GPBP1: variants seen among roughly 807,000 people sequenced by gnomAD.
The protein encoded by GPBP1 is vasculin.
Under a neutral mutation model 56.5 loss-of-function variants are expected in GPBP1, and 13 were observed. The observed-to-expected ratio is 0.23, with a 90% CI of 0.15 to 0.37. The LOEUF is 0.37. Among genes scored for constraint, GPBP1 ranks in the 10% least tolerant of loss-of-function variants. The pLI is 1.00. For synonymous variants in GPBP1, 204 were observed against 188.9 expected (o/e 1.08, Z -0.66); for missense variants, 477 against 572.3 (o/e 0.83, Z 1.70).
chr5:57,221,544 TGTG>T, intron 3 of GPBP1: 1 of 586,230 alleles, frequency 1.7e-6, no homozygotes, highest in Non-Finnish European at 3.0e-6. Flanking sequence ...ATTTCGGGGT[TGTG>T]GTATTAAAAG....
In GPBP1 at chr5:57,175,473, A is replaced by G; in HGVS notation, c.-985A>G. On this transcript the variant is annotated 5_prime_UTR_variant, in exon 2 of 12. Coordinates refer to ENST00000506184, the MANE Select transcript of GPBP1 (RefSeq NM_022913.4). The stretch of plus-strand genomic sequence containing the variant: ...GTGATTGAATTACTCAGATATGAAG[A>G]TCATCATCTAGGTTTTGTGTAAAAG... 1 of 398,524 alleles carries G rather than the reference A, an allele frequency of 2.5e-6. No homozygotes were observed. 24.7% of individuals were successfully genotyped at this position (398,524 alleles called of 1,614,324 possible).
intron 2 of GPBP1, among the ~76,000 whole-genome samples, chr5:57,187,703 A>T (rs1006775925): frequency 6.6e-6 from 1 of 152,258 alleles, no homozygotes; most frequent in African/African-American, 2.4e-5. Context: ...TTGTTATTAA[A>T]GTCAAGTGAA....
At chr5:57,181,795 T>C (rs915423621) in intron 2 of GPBP1, among the ~76,000 whole-genome samples, 1 of 152,164 alleles carries the variant, frequency 6.6e-6, no homozygotes, top group Non-Finnish European at 1.5e-5. Flanking sequence ...TCTGGAAAGG[T>C]CCATTACCTT....
In GPBP1 at chr5:57,249,409, T is replaced by C. The variant is rs1195132549; in HGVS notation, c.805T>C (p.Cys269Arg). Reference protein sequence around the residue: ...FSPSTNSVKECNRSNSSSPVD... With the variant: ...FSPSTNSVKERNRSNSSSPVD... ...TCAGTATTTCTGAATTTCCTCTTAG[T>C]GTAATCGCTCAAATTCCTCTTCTCC... Residue 269 changes from cysteine (C) to arginine (R), a missense_variant and splice_region_variant, in exon 9 of 12, where the codon TGT (cysteine) becomes CGT (arginine). By Grantham distance (180) the Cys-to-Arg change is radical. Coordinates refer to ENST00000506184, the MANE Select transcript of GPBP1 (RefSeq NM_022913.4). 6.3e-7 allele frequency: 1 copy of C among 1,591,880 alleles called. No homozygotes were observed. Among genetic ancestry groups the C allele is most frequent in the African/African-American group, 1.4e-5 (1 of 73,724 alleles).
intron 2 of GPBP1, among the ~76,000 whole-genome samples, chr5:57,177,102 T>A (rs1370715224): frequency 1.3e-5 from 2 of 152,208 alleles, no homozygotes; most frequent in African/African-American, 4.8e-5. Context: ...TTAAAATAAC[T>A]TAAGAAAATA....
rs926289464 is a variant in GPBP1, at chr5:57,200,841, G to A, written c.-57-13233G>A. ...GGACTACAGGCGCTAGCCACCACGC[G>A]CGGCTAGTTTATATTTTTAGTAGAG... On this transcript the variant is annotated intron_variant, in intron 2 of 11. Transcript: ENST00000506184. Among the ~76,000 whole-genome samples the A allele has an allele frequency of 1.3e-4, 20 of 152,054 alleles. 1 individual carries two copies. Among genetic ancestry groups the A allele is most frequent in the Admixed American group, 5.2e-4 (8 of 15,258 alleles).
At chr5:57,221,293 A>T in intron 3 of GPBP1, 1 of 861,040 alleles carries the variant, frequency 1.2e-6, no homozygotes, top group East Asian at 4.9e-5. Context: ...GTGGCGCACT[A>T]GTTTTTTCTT....
chr5:57,191,977 A>C (rs572433220), intron 2 of GPBP1, among the ~76,000 whole-genome samples: 1 of 152,386 alleles, frequency 6.6e-6, no homozygotes, highest in East Asian at 1.9e-4. Context: ...ATACTAATGC[A>C]GATAAATATC....
chr5:57,196,824 C>T (rs1419696234), intron 2 of GPBP1, among the ~76,000 whole-genome samples: 1 of 152,030 alleles, frequency 6.6e-6, no homozygotes, highest in Non-Finnish European at 1.5e-5. Context: ...CTGTGTTGCC[C>T]AGGCTGGAGT....
rs1753760277 is a variant in GPBP1 at position 57,175,559 on chromosome 5, G to A, written c.-899G>A. The A allele has an allele frequency of 2.5e-6, 1 of 398,362 alleles. No individual in the cohort carries two copies. The highest frequency in any genetic ancestry group is 2.1e-5 in the African/African-American group (1 of 48,624). The allele number at this position is 398,362 out of a possible 1,614,324, so 24.7% of individuals were successfully genotyped here. On this transcript the variant is annotated 5_prime_UTR_variant, in exon 2 of 12. Transcript: ENST00000506184. ...AGTGTTTTTGGATAATTTTGCCCCA[G>A]AAGTTTATTAAAATTGGCAAGAATC...
chr5:57,219,391 A>AC (rs1561348181), intron 3 of GPBP1, among the ~76,000 whole-genome samples: 23 of 64,420 alleles, frequency 3.6e-4, no homozygotes, highest in African/African-American at 1.0e-3. Context: ...AAAAAAAAAA[A>AC]AAAAAAAAAA....
intron 2 of GPBP1, among the ~76,000 whole-genome samples, chr5:57,213,051 C>CT (rs555083938): frequency 2.0e-3 from 296 of 149,408 alleles, no homozygotes; most frequent in Non-Finnish European, 2.8e-3. Context: ...GAGTATATGT[C>CT]TTTTTTTTTA....
chr5:57,198,864 T>TG (rs1754878444), intron 2 of GPBP1, among the ~76,000 whole-genome samples: 1 of 152,172 alleles, frequency 6.6e-6, no homozygotes, highest in Non-Finnish European at 1.5e-5. Context: ...CAGTGTCATT[T>TG]GCTTCACATT....
intron 2 of GPBP1, among the ~76,000 whole-genome samples, chr5:57,196,858 T>A (rs909024569): frequency 6.6e-6 from 1 of 152,118 alleles, no homozygotes; most frequent in Non-Finnish European, 1.5e-5. Context: ...CTTGGCTCAC[T>A]GTAACCTCTG....
intron 6 of GPBP1, among the ~76,000 whole-genome samples, chr5:57,241,605 T>A (rs1740831489): frequency 6.6e-6 from 1 of 152,142 alleles, no homozygotes; most frequent in Non-Finnish European, 1.5e-5. Context: ...GCTACATTTA[T>A]TTGCGAGGAT....
chr5:57,187,413 G>A (rs569709784), intron 2 of GPBP1, among the ~76,000 whole-genome samples: 2 of 152,296 alleles, frequency 1.3e-5, no homozygotes, highest in African/African-American at 4.8e-5. Flanking sequence ...TCTCTCTTGA[G>A]TGCTAATTAT....
intron 3 of GPBP1, among the ~76,000 whole-genome samples, chr5:57,214,598 CA>C (rs911658139): frequency 4.6e-5 from 7 of 152,022 alleles, no homozygotes; most frequent in African/African-American, 1.7e-4. Context: ...CAAAACAAAA[CA>C]AAAACAAAAA....
At chr5:57,177,115 A>G (rs1003845908) in intron 2 of GPBP1, among the ~76,000 whole-genome samples, 4 of 152,218 alleles carry the variant, frequency 2.6e-5, no homozygotes, top group Non-Finnish European at 4.4e-5. Flanking sequence ...AGAAAATATG[A>G]GTATACATTT....
intron 2 of GPBP1, among the ~76,000 whole-genome samples, chr5:57,182,100 T>A (rs969825028): frequency 2.0e-5 from 3 of 152,246 alleles, no homozygotes; most frequent in Non-Finnish European, 4.4e-5. Context: ...TTTATAAATT[T>A]TTTGAGACGG....
Sources: gnomAD v4.1 joint callset for allele counts (sites outside exome capture counted in the v4.1 genomes callset) on GRCh38, gnomAD v4.1.1 for gene constraint, MANE v1.5 for transcripts, NCBI Gene and HGNC (gene_info 2026-07-23, HGNC 2026-07-21) for gene names.